The following ZNF148 variants were observed in gnomAD, a reference collection of about 807,000 sequenced individuals.
The protein encoded by ZNF148 is Beta-Enolase Repressor Factor-1.
Under a neutral mutation model 67.7 loss-of-function variants are expected in ZNF148, and 7 were observed. That is an observed-to-expected ratio of 0.10 (90% CI 0.06 to 0.19). The LOEUF (loss-of-function observed/expected upper bound fraction) is 0.19. ZNF148 is among the 10% of genes least tolerant of loss of function. ZNF148 has a pLI of 1.00. For missense variants in ZNF148, 583 were observed against 947.1 expected, an observed-to-expected ratio of 0.62 and a Z score of 5.05; for synonymous variants, 333 against 330.7, an observed-to-expected ratio of 1.01 and a Z score of -0.08.
Position 125,296,403 on chromosome 3 carries a change from G to A in ZNF148, c.334-8175C>T, listed in dbSNP as rs1353442886. Among the ~76,000 whole-genome samples, 8 of 152,140 alleles carry A rather than the reference G, an allele frequency of 5.3e-5. No homozygotes were observed. In the East Asian group the frequency reaches 1.2e-3, roughly 22 times the overall value. ...CTCCCAAAGTGCTGGGATTACAGGCGTGAGCCACCATGCCCAGCCAATGCT... is the reference window on the plus strand; with the variant it reads ...CTCCCAAAGTGCTGGGATTACAGGCATGAGCCACCATGCCCAGCCAATGCT... On this transcript the variant is annotated intron_variant, in intron 4 of 8. Coordinates refer to ENST00000360647, the MANE Select transcript of ZNF148 (RefSeq NM_021964.3).
chr3:125,368,654 G>A (rs1942773097), intron 1 of ZNF148, among the ~76,000 whole-genome samples: 1 of 152,202 alleles, frequency 6.6e-6, no homozygotes, highest in African/African-American at 2.4e-5. Flanking sequence ...ATTTAAAAGT[G>A]TGCCTCTTGG....
At chr3:125,340,987 CAAAAAAA>C (rs934719609) in intron 1 of ZNF148, among the ~76,000 whole-genome samples, 3 of 12,166 alleles carry the variant, frequency 2.5e-4, no homozygotes, top group Non-Finnish European at 5.7e-4. Flanking sequence ...GACTCCGGCT[CAAAAAAA>C]AAAAAAAAAA....
In ZNF148 at chr3:125,361,787, T is replaced by C. The variant is rs894506711; in HGVS notation, c.-234+13315A>G. On this transcript the variant is annotated intron_variant, in intron 1 of 8. Transcript: ENST00000360647. ...GGCAGAGGCTGCAGTGAGCCAAGAT[T>C]ATGCCACTGTACTGCAGCCTGGGTG... Among the ~76,000 whole-genome samples the C allele has an allele frequency of 3.3e-5, 5 of 151,230 alleles. No homozygotes were observed. In the East Asian group the frequency reaches 9.7e-4, roughly 29 times the overall value.
chr3:125,328,477 A>T (rs1941126450), intron 2 of ZNF148, among the ~76,000 whole-genome samples: 1 of 152,200 alleles, frequency 6.6e-6, no homozygotes, highest in Non-Finnish European at 1.5e-5. Context: ...CAATGTAAGC[A>T]TGTATCAAAA....
rs1238278039 is a variant in ZNF148 at position 125,231,818 on chromosome 3, T to C, written c.*523A>G. 3 of 152,786 alleles carry C rather than the reference T, an allele frequency of 2.0e-5. No individual in the cohort carries two copies. The highest frequency in any genetic ancestry group is 2.9e-5 in the Non-Finnish European group (2 of 68,304). The allele number at this position is 152,786 out of a possible 1,614,324, so 9.5% of individuals were successfully genotyped here. ...AAATCAAGGGTATATGGCATATCAT[T>C]CTTTTTAAAAGGTGGTTTCTTGGTT... On this transcript the variant is annotated 3_prime_UTR_variant, in exon 9 of 9. Transcript: ENST00000360647.
intron 4 of ZNF148, among the ~76,000 whole-genome samples, chr3:125,304,639 A>C (rs1939776502): frequency 6.6e-6 from 1 of 152,228 alleles, no homozygotes; most frequent in African/African-American, 2.4e-5. Flanking sequence ...GGGAGGTAGC[A>C]GTAGGAACTC....
At chr3:125,368,448 G>T (rs151023334) in intron 1 of ZNF148, among the ~76,000 whole-genome samples, 2 of 152,268 alleles carry the variant, frequency 1.3e-5, no homozygotes, top group East Asian at 3.9e-4. Flanking sequence ...CTCCTTGGGA[G>T]TGTTTTCAAA....
chr3:125,258,422 C>CAAAA (rs34739205), intron 7 of ZNF148, among the ~76,000 whole-genome samples: 1,902 of 55,272 alleles, frequency 0.034, 96 homozygotes, highest in African/African-American at 0.072. Context: ...GACTCCATCT[C>CAAAA]AAAAAAAAAA....
chr3:125,232,178 C>T lies in ZNF148; in HGVS notation c.*163G>A, dbSNP rs554125472. The T allele has an allele frequency of 6.9e-5, 58 of 843,178 alleles. No homozygotes were observed. The South Asian group carries it at 1.4e-3, about 20-fold the overall frequency. 52.2% of individuals were successfully genotyped at this position (843,178 alleles called of 1,614,324 possible). ...AGGCAGTTCAAAGAATGCTGACTAACCAAACGAAATGCAGTTATTGGATTA... is the reference window on the plus strand; with the variant it reads ...AGGCAGTTCAAAGAATGCTGACTAATCAAACGAAATGCAGTTATTGGATTA... On this transcript the variant is annotated 3_prime_UTR_variant, in exon 9 of 9. Transcript: ENST00000360647. This position sits in a 1 kb window ranked among gnomAD's most constrained non-coding sequence, Gnocchi z 4.2.
chr3:125,256,712 C>T (rs557867021), intron 7 of ZNF148, among the ~76,000 whole-genome samples: 24 of 152,100 alleles, frequency 1.6e-4, no homozygotes, highest in Admixed American at 3.3e-4. Flanking sequence ...AAATTAAGCC[C>T]TAATGCTCTA....
In ZNF148 at chr3:125,313,496, C is replaced by T. The variant is rs1312144682; in HGVS notation, c.145G>A (p.Asp49Asn). 6.2e-7 allele frequency: 1 copy of T among 1,614,012 alleles called. No homozygotes were observed. Among genetic ancestry groups the T allele is most frequent in the African/African-American group, 1.3e-5 (1 of 74,904 alleles). ...SGELQDSVLQ[D>N]RSMPHQEILA... ...ATCTCCTGGTGAGGCATACTTCGAT[C>T]TTGAAGTACTGAATCCTGTAGCTCT... The change falls in exon 4 of 9, where the codon GAT (aspartate) becomes AAT (asparagine). Residue 49 changes from aspartate (D) to asparagine (N), a missense_variant. Physicochemically the swap from Asp to Asn is conservative, Grantham distance 23. Transcript: ENST00000360647.
chr3:125,310,114 C>A (rs1940120662), intron 4 of ZNF148, among the ~76,000 whole-genome samples: 1 of 141,952 alleles, frequency 7.0e-6, no homozygotes, highest in African/African-American at 2.6e-5. Flanking sequence ...GAGTTTCACT[C>A]TGTCACCCAG....
chr3:125,352,720 T>C (rs1347723575), intron 1 of ZNF148, among the ~76,000 whole-genome samples: 1 of 150,826 alleles, frequency 6.6e-6, no homozygotes, highest in African/African-American at 2.4e-5. Flanking sequence ...TCAATTCCTA[T>C]CAAACTCCCA....
At chr3:125,238,641 G>A (rs1025372928) in intron 7 of ZNF148, among the ~76,000 whole-genome samples, 4 of 152,040 alleles carry the variant, frequency 2.6e-5, no homozygotes, top group Admixed American at 6.6e-5. Flanking sequence ...GAAAAAAAAC[G>A]CACACACAAA....
rs547695846 is a variant in ZNF148 at position 125,233,232 on chromosome 3, A to C, written c.1494T>G (p.Pro498=). ...TTGCCACAGCTGCTTGTGTTACAGA[A>C]GGCTGAGAAGCTATGGTACCCACAT... is the stretch of plus-strand genomic sequence containing the variant. The part of the protein sequence containing the change: ...ALNVGTIASQ[P]SVTQAAVASV... The change falls in exon 9 of 9, where the codon CCT becomes CCG. Residue 498 remains proline, a synonymous_variant. Transcript: ENST00000360647. This position sits in a 1 kb window ranked among gnomAD's most constrained non-coding sequence, Gnocchi z 5.1. 1 of 1,613,864 alleles carries C rather than the reference A, an allele frequency of 6.2e-7. No homozygotes were observed. Among genetic ancestry groups the C allele is most frequent in the South Asian group, 1.1e-5 (1 of 91,078 alleles).
intron 1 of ZNF148, among the ~76,000 whole-genome samples, chr3:125,366,323 G>A (rs1303741217): frequency 1.3e-5 from 2 of 152,136 alleles, no homozygotes; most frequent in East Asian, 1.9e-4. Flanking sequence ...TGCTTACCAA[G>A]CACAACACTA....
intron 1 of ZNF148, among the ~76,000 whole-genome samples, chr3:125,364,303 G>A (rs1286771142): frequency 6.6e-6 from 1 of 152,170 alleles, no homozygotes; most frequent in African/African-American, 2.4e-5. Flanking sequence ...GGCGGCTAAG[G>A]TAGGAGAATA....
At chr3:125,276,407 G>C (rs1032231445) in intron 7 of ZNF148, among the ~76,000 whole-genome samples, 14 of 150,612 alleles carry the variant, frequency 9.3e-5, no homozygotes, top group Admixed American at 8.6e-4. Context: ...CACAGTTAAA[G>C]TTTTATTTAT....
intron 1 of ZNF148, among the ~76,000 whole-genome samples, chr3:125,350,575 G>A (rs2107756881): frequency 6.6e-6 from 1 of 152,284 alleles, no homozygotes; most frequent in Middle Eastern, 3.4e-3. Context: ...GGTCAAGGAT[G>A]GTTTCAGGAT....
Sources: allele counts gnomAD v4.1 joint callset (sites outside exome capture counted in the v4.1 genomes callset), GRCh38; gene constraint gnomAD v4.1.1; non-coding constraint Gnocchi (gnomAD v3.1); transcripts MANE v1.5; gene names NCBI Gene and HGNC (gene_info 2026-07-23, HGNC 2026-07-21).